MAN2A1: variants seen among roughly 807,000 people sequenced by gnomAD.
The protein encoded by MAN2A1 is alpha-mannosidase 2.
MAN2A1 carries 76 observed loss-of-function variants against 142.6 expected under a neutral mutation model. The ratio of observed to expected loss-of-function variants is 0.53; its 90% CI spans 0.44 to 0.65. The LOEUF (loss-of-function observed/expected upper bound fraction) is 0.65, where lower values mean the gene tolerates loss of function less well. MAN2A1 is among the 30% of genes least tolerant of loss of function. MAN2A1 has a pLI of 0.00. For missense variants in MAN2A1, 1,311 were observed against 1,365.1 expected (o/e 0.96, Z 0.62); for synonymous variants, 559 against 473.2 (o/e 1.18, Z -2.35).
chr5:109,712,642 T>C (rs1162290370), intron 1 of MAN2A1, among the ~76,000 whole-genome samples: 1 of 152,196 alleles, frequency 6.6e-6, no homozygotes, highest in Non-Finnish European at 1.5e-5. Context: ...TTTGAGGCTT[T>C]TGCTAGTTAT....
At chr5:109,856,220 G>A (rs1222340049) in intron 20 of MAN2A1, among the ~76,000 whole-genome samples, 1 of 152,082 alleles carries the variant, frequency 6.6e-6, no homozygotes, top group Non-Finnish European at 1.5e-5. Context: ...AATTTTGAAA[G>A]CAAAGGTCAG....
intron 16 of MAN2A1, among the ~76,000 whole-genome samples, chr5:109,830,130 AC>A (rs1244148211): frequency 6.6e-6 from 1 of 152,232 alleles, no homozygotes; most frequent in Non-Finnish European, 1.5e-5. Flanking sequence ...CAGACATGTT[AC>A]AATAAGTAAG....
At position 109,709,794 on chromosome 5, in the gene MAN2A1, C is replaced by A. The variant is rs146523444; in HGVS notation, c.136-3726C>A. On this transcript the variant is annotated intron_variant, in intron 1 of 21. Transcript: ENST00000261483. ...CTCCTGAGCGGTGCAATGCTGTGGC[C>A]TCCCTGTAGAACTGATTAGCAAATC... Among the ~76,000 whole-genome samples, 187 of 152,228 alleles carry A rather than the reference C, an allele frequency of 1.2e-3. 1 individual carries two copies. The highest frequency in any genetic ancestry group is 1.5e-3 in the Non-Finnish European group (103 of 68,018).
intron 4 of MAN2A1, among the ~76,000 whole-genome samples, chr5:109,733,153 G>T (rs1751968826): frequency 6.6e-6 from 1 of 152,060 alleles, no homozygotes; most frequent in Admixed American, 6.6e-5. Flanking sequence ...CTCATGATTT[G>T]GCTCTCTGTT....
At chr5:109,771,769 A>G (rs1753151131) in intron 7 of MAN2A1, among the ~76,000 whole-genome samples, 1 of 152,122 alleles carries the variant, frequency 6.6e-6, no homozygotes, top group Admixed American at 6.6e-5. Flanking sequence ...TTATATTTAC[A>G]GGTATTTACA....
At chr5:109,844,017 C>T (rs1234464153) in intron 17 of MAN2A1, among the ~76,000 whole-genome samples, 2 of 152,166 alleles carry the variant, frequency 1.3e-5, no homozygotes, top group East Asian at 1.9e-4. Flanking sequence ...ATAAAAATTG[C>T]AGCATACATT....
chr5:109,763,901 A>G (rs903234910), intron 5 of MAN2A1, among the ~76,000 whole-genome samples: 1 of 151,758 alleles, frequency 6.6e-6, no homozygotes, highest in African/African-American at 2.4e-5. Context: ...TGCTGGGTTC[A>G]AGTGACCCTC....
At chr5:109,798,557 C>T (rs1350952167) in intron 12 of MAN2A1, among the ~76,000 whole-genome samples, 4 of 152,210 alleles carry the variant, frequency 2.6e-5, no homozygotes, top group Non-Finnish European at 4.4e-5. Context: ...GCCTCTTTCA[C>T]TCTCAAAATT....
At chr5:109,835,401 AG>A (rs1308052026) in intron 16 of MAN2A1, among the ~76,000 whole-genome samples, 1 of 152,240 alleles carries the variant, frequency 6.6e-6, no homozygotes, top group Non-Finnish European at 1.5e-5. Context: ...CCTTTGCCTG[AG>A]AGCCAGTATT....
At position 109,842,563 on chromosome 5, in the gene MAN2A1, T is replaced by G. The variant is rs967930719; in HGVS notation, c.2700+102T>G. The G allele has an allele frequency of 1.3e-5, 9 of 709,676 alleles. No individual in the cohort carries two copies. In the South Asian group the frequency reaches 3.8e-4, roughly 30 times the overall value. 44.0% of individuals were successfully genotyped at this position (709,676 alleles called of 1,614,324 possible). ...TTTTGGATCCTTTGAAAAAGTATAC[T>G]TAAAGTTGCAAATTATATCTAAAAT... On this transcript the variant is annotated intron_variant, in intron 17 of 21. Coordinates refer to ENST00000261483, the MANE Select transcript of MAN2A1 (RefSeq NM_002372.4).
intron 1 of MAN2A1, among the ~76,000 whole-genome samples, chr5:109,702,518 A>C (rs1049942719): frequency 6.6e-6 from 1 of 152,130 alleles, no homozygotes; most frequent in Non-Finnish European, 1.5e-5. Flanking sequence ...TTGATAGTAA[A>C]GAAAAACTCC....
intron 8 of MAN2A1, among the ~76,000 whole-genome samples, chr5:109,780,450 G>A (rs138257399): frequency 1.3e-5 from 2 of 151,958 alleles, no homozygotes; most frequent in Admixed American, 1.3e-4. Flanking sequence ...TCAGATAAGT[G>A]GTAGAGATGG....
At chr5:109,779,110 T>C (rs754540413) in intron 8 of MAN2A1, among the ~76,000 whole-genome samples, 5 of 152,100 alleles carry the variant, frequency 3.3e-5, no homozygotes, top group Non-Finnish European at 5.9e-5. Context: ...TCTAGAGAAA[T>C]TTACTTTAAA....
At chr5:109,725,888 T>C (rs1442542631) in intron 3 of MAN2A1, among the ~76,000 whole-genome samples, 1 of 152,188 alleles carries the variant, frequency 6.6e-6, no homozygotes, top group African/African-American at 2.4e-5. Context: ...TTTCCAGCTT[T>C]ATTGGCTTTT....
chr5:109,691,413 A>T (rs549766429), intron 1 of MAN2A1, among the ~76,000 whole-genome samples: 6 of 152,184 alleles, frequency 3.9e-5, no homozygotes, highest in Non-Finnish European at 7.3e-5. Flanking sequence ...GAAACTGGGT[A>T]TTGTGTAGTG....
At chr5:109,712,667 T>C (rs996841806) in intron 1 of MAN2A1, among the ~76,000 whole-genome samples, 1 of 152,216 alleles carries the variant, frequency 6.6e-6, no homozygotes, top group Non-Finnish European at 1.5e-5. Context: ...TCACCTTGTG[T>C]GTTCAAAGAC....
Position 109,712,095 on chromosome 5 carries a change from C to CTT in MAN2A1, c.136-1411_136-1410dup, listed in dbSNP as rs34625389. Among the ~76,000 whole-genome samples the CTT allele has an allele frequency of 3.8e-3, 541 of 143,868 alleles. 10 individuals carry two copies. Among genetic ancestry groups the CTT allele is most frequent in the Admixed American group, 0.025 (358 of 14,490 alleles). The allele number at this position is 143,868 out of a possible 152,430, so 94.4% of individuals were successfully genotyped here. On this transcript the variant is annotated intron_variant, in intron 1 of 21. Transcript: ENST00000261483. Reference sequence around the variant, plus strand: ...AGTGATTTGCTGCTAATTTTGGCTACTTTTTTTTTTTTTTTAATTCCAAAA... The same window carrying CTT: ...AGTGATTTGCTGCTAATTTTGGCTACTTTTTTTTTTTTTTTTTAATTCCAAAA...
chr5:109,710,345 G>A (rs1751263391), intron 1 of MAN2A1, among the ~76,000 whole-genome samples: 2 of 152,146 alleles, frequency 1.3e-5, no homozygotes, highest in South Asian at 4.1e-4. Context: ...AGGAAGGGTT[G>A]TCTTCTTATT....
intron 7 of MAN2A1, among the ~76,000 whole-genome samples, chr5:109,770,922 T>C (rs938752465): frequency 6.6e-6 from 1 of 152,222 alleles, no homozygotes; most frequent in Non-Finnish European, 1.5e-5. Flanking sequence ...AAAAACACAT[T>C]TATTGAAATG....
Sources: allele counts gnomAD v4.1 joint callset (sites outside exome capture counted in the v4.1 genomes callset), GRCh38; gene constraint gnomAD v4.1.1; transcripts MANE v1.5; gene names NCBI Gene and HGNC (gene_info 2026-07-23, HGNC 2026-07-21).